The following ODAD3 variants were observed in gnomAD, a reference collection of about 807,000 sequenced individuals.
ODAD3 encodes the protein outer dynein arm-docking complex subunit 3.
In ODAD3, 57 loss-of-function variants were observed where a neutral mutation model predicts 70.9. The ratio of observed to expected loss-of-function variants is 0.80; its 90% CI spans 0.65 to 1.00. The LOEUF (loss-of-function observed/expected upper bound fraction) is 1.00, where lower values mean the gene tolerates loss of function less well. ODAD3 is among the 50% of genes least tolerant of loss of function. The pLI is 0.00. For synonymous variants in ODAD3, 327 were observed against 315.9 expected, an observed-to-expected ratio of 1.04 and a Z score of -0.37; for missense variants, 797 against 763.9, an observed-to-expected ratio of 1.04 and a Z score of -0.51.
chr19:11,433,473 G>C (rs1969545321), intron 1 of ODAD3, among the ~76,000 whole-genome samples: 4 of 152,236 alleles, frequency 2.6e-5, no homozygotes, highest in Admixed American at 6.5e-5. Flanking sequence ...GCCAGGCACT[G>C]TTCTAAGCAC....
intron 11 of ODAD3, 25 bp from the exon 12 acceptor site, chr19:11,421,237 A>C: frequency 1.2e-6 from 2 of 1,604,136 alleles, no homozygotes; most frequent in Non-Finnish European, 1.7e-6. Flanking sequence ...GAAGCGAGAG[A>C]GGAAGGTGGG....
chr19:11,425,636 T>TACGCATATACGCATATACGC lies in ODAD3; in HGVS notation c.963+507_963+508insGCGTATATGCGTATATGCGT, dbSNP rs1969347432. Among the ~76,000 whole-genome samples, 11 of 140,220 alleles carry TACGCATATACGCATATACGC rather than the reference T, an allele frequency of 7.8e-5. 1 individual carries two copies. The highest frequency in any genetic ancestry group is 3.0e-4 in the African/African-American group (10 of 33,752). The allele number at this position is 140,220 out of a possible 152,430, so 92.0% of individuals were successfully genotyped here. ...ATATATGCATATATGCATATATGTA[T>TACGCATATACGCATATACGC]ATATATGTATATACGTATATATATA... is the stretch of plus-strand genomic sequence containing the variant. On this transcript the variant is annotated intron_variant, in intron 7 of 12. Transcript: ENST00000356392.
chr19:11,435,282 C>T, upstream of ODAD3: 1 of 1,113,624 alleles, frequency 9.0e-7, no homozygotes, highest in Non-Finnish European at 1.2e-6. Context: ...CAACAGTGGG[C>T]GGGGTAGAGC....
rs2144791225 is a variant in ODAD3 at position 11,434,939 on chromosome 19, C to G, written c.78G>C (p.Arg26Ser). The G allele has an allele frequency of 6.2e-7, 1 of 1,614,012 alleles. No individual in the cohort carries two copies. Among genetic ancestry groups the G allele is most frequent in the Admixed American group, 1.7e-5 (1 of 60,028 alleles). The change falls in exon 1 of 13, where the codon AGG (arginine) becomes AGC (serine). Residue 26 changes from arginine (R) to serine (S), a missense_variant. By Grantham distance (110) the Arg-to-Ser change is moderately radical. Transcript: ENST00000356392. ...TGCCCGAAGCCTCCCTGCCCTTGAC[C>G]CTGGAAGAGGGCGTCGAAGCCTGGT... ...PQDQASTPSS[R>S]VKGREASGKP...
rs1469189937 is a variant in ODAD3 at position 11,425,218 on chromosome 19, T to TATATACATATGTGTATGTGTAC, written c.963+925_963+926insGTACACATACACATATGTATAT. Reference sequence around the variant, plus strand: ...ATATGTGTATGTGTACATATGTGTATATATGTGTGTATATGTACATATGTG... The same window carrying TATATACATATGTGTATGTGTAC: ...ATATGTGTATGTGTACATATGTGTATATATACATATGTGTATGTGTACATATGTGTGTATATGTACATATGTG... On this transcript the variant is annotated intron_variant, in intron 7 of 12. Coordinates refer to ENST00000356392, the MANE Select transcript of ODAD3 (RefSeq NM_145045.5). Among the ~76,000 whole-genome samples, 2 of 124,794 alleles carry TATATACATATGTGTATGTGTAC rather than the reference T, an allele frequency of 1.6e-5. 1 individual carries two copies. The highest frequency in any genetic ancestry group is 5.4e-4 in the East Asian group (2 of 3,708). The allele number at this position is 124,794 out of a possible 152,430, so 81.9% of individuals were successfully genotyped here.
Position 11,422,546 on chromosome 19 carries a change from C to T in ODAD3, c.1359G>A (p.Glu453=). ...RRHAEAKDQL[E]RALRAMQVAK... ...CCACTTGCATCGCCCGCAAGGCGCG[C>T]TCCAGCTGGTCCTTGGCCTCGGCGT... The change falls in exon 10 of 13, where the codon GAG becomes GAA. Residue 453 remains glutamate, a synonymous_variant. Transcript: ENST00000356392. This position sits in a 1 kb window ranked among gnomAD's most constrained non-coding sequence, Gnocchi z 4.6. 6.3e-7 allele frequency: 1 copy of T among 1,591,614 alleles called. No individual in the cohort carries two copies.
intron 1 of ODAD3, among the ~76,000 whole-genome samples, chr19:11,433,490 C>T (rs1267970841): frequency 6.6e-6 from 1 of 152,238 alleles, no homozygotes; most frequent in Non-Finnish European, 1.5e-5. Context: ...GCACTTTACA[C>T]ATTTCAGGTA....
In ODAD3 at chr19:11,422,903, G is replaced by C; in HGVS notation, c.1117-42C>G. On this transcript the variant is annotated intron_variant, in intron 8 of 12. Transcript: ENST00000356392. The surrounding 1 kb of genome is among the most constrained non-coding windows in gnomAD (Gnocchi z 4.6). ...CCCAGTCAGAGCCAGGGCCTAGGGA[G>C]CGTAGGGGCGCTCCACCTCCTCTCC... 3 of 1,580,478 alleles carry C rather than the reference G, an allele frequency of 1.9e-6. No individual in the cohort carries two copies. Among genetic ancestry groups the C allele is most frequent in the Non-Finnish European group, 2.6e-6 (3 of 1,168,184 alleles).
chr19:11,425,061 GTGTATATA>G lies in ODAD3; in HGVS notation c.964-1040_964-1033del, dbSNP rs1419616290. Among the ~76,000 whole-genome samples, 14 of 126,258 alleles carry G rather than the reference GTGTATATA, an allele frequency of 1.1e-4. 1 individual carries two copies. Among genetic ancestry groups the G allele is most frequent in the Admixed American group, 2.2e-4 (3 of 13,714 alleles). The allele number at this position is 126,258 out of a possible 152,430, so 82.8% of individuals were successfully genotyped here. On this transcript the variant is annotated intron_variant, in intron 7 of 12. Coordinates refer to ENST00000356392, the MANE Select transcript of ODAD3 (RefSeq NM_145045.5). Reference sequence around the variant, plus strand: ...TACATATGTGTATATATGTGTATATGTGTATATATGTATATGTGTATATGTACATATGT... The same window carrying G: ...TACATATGTGTATATATGTGTATATGTGTATATGTGTATATGTACATATGT...
At chr19:11,425,563 G>A (rs865817266) in intron 7 of ODAD3, among the ~76,000 whole-genome samples, 11 of 125,640 alleles carry the variant, frequency 8.8e-5, no homozygotes, top group African/African-American at 3.8e-4. Context: ...ATGTATATAT[G>A]TGTGTATGTA....
At position 11,422,958 on chromosome 19, in the gene ODAD3, A is replaced by T. The variant is rs370953604; in HGVS notation, c.1117-97T>A. The stretch of plus-strand genomic sequence containing the variant: ...CCCTGCGAACCCTCGCACGCAGGAC[A>T]GGTGGCCTGAGCTGGCGCCTTTTGC... On this transcript the variant is annotated intron_variant, in intron 8 of 12. Transcript: ENST00000356392. The surrounding 1 kb of genome is among the most constrained non-coding windows in gnomAD (Gnocchi z 4.6). 7.1e-7 allele frequency: 1 copy of T among 1,399,676 alleles called. No individual in the cohort carries two copies. The highest frequency in any genetic ancestry group is 1.4e-5 in the African/African-American group (1 of 70,160). The allele number at this position is 1,399,676 out of a possible 1,614,324, so 86.7% of individuals were successfully genotyped here. A position where few individuals can be genotyped will look rare whatever the true frequency, so the allele number is the denominator to read the frequency against.
At chr19:11,421,057 GTATC>G (rs1969120271) in intron 12 of ODAD3, 67 bp downstream of exon 12, 1 of 1,586,382 alleles carries the variant, frequency 6.3e-7, no homozygotes. Context: ...CCTGAACAGG[GTATC>G]TGACAACCTC....
At chr19:11,421,270 G>C in intron 11 of ODAD3, 58 bp from the exon 12 acceptor site, 2 of 1,490,488 alleles carry the variant, frequency 1.3e-6, no homozygotes, top group Non-Finnish European at 9.1e-7. Context: ...CCACCGAGAA[G>C]TCACGTTCCC....
In ODAD3 at chr19:11,422,882, G is replaced by A. The variant is rs377602013; in HGVS notation, c.1117-21C>T. ...AACGACTGCGGGCCACCCAGCCCCAGTCAGAGCCAGGGCCTAGGGAGCGTA... is the reference window on the plus strand; with the variant it reads ...AACGACTGCGGGCCACCCAGCCCCAATCAGAGCCAGGGCCTAGGGAGCGTA... On this transcript the variant is annotated intron_variant, in intron 8 of 12. Coordinates refer to ENST00000356392, the MANE Select transcript of ODAD3 (RefSeq NM_145045.5). This position sits in a 1 kb window ranked among gnomAD's most constrained non-coding sequence, Gnocchi z 4.6. 1.8e-4 allele frequency: 294 copies of A among 1,598,712 alleles called. 1 individual carries two copies. In the East Asian group the frequency reaches 5.5e-3, roughly 30 times the overall value.
chr19:11,430,807 G>A (rs760248309), intron 2 of ODAD3, 31 bp from the exon 3 acceptor site: 25 of 1,613,972 alleles, frequency 1.5e-5, no homozygotes, highest in Non-Finnish European at 2.1e-5. Flanking sequence ...TCACCTTTCA[G>A]CATGCCACCT....
chr19:11,425,541 A>ATATATGTATATATGTATATATGTG (rs1969336464), intron 7 of ODAD3, among the ~76,000 whole-genome samples: 11 of 139,454 alleles, frequency 7.9e-5, no homozygotes, highest in East Asian at 6.1e-4. Context: ...ATATGTGTGT[A>ATATATGTATATATGTATATATGTG]TGTATGTATA....
At chr19:11,423,410 C>T (rs1489443778) in intron 8 of ODAD3, among the ~76,000 whole-genome samples, 4 of 151,908 alleles carry the variant, frequency 2.6e-5, no homozygotes, top group Non-Finnish European at 4.4e-5. Context: ...GAACCAGGAC[C>T]CAAGGGGGAC....
Position 11,421,719 on chromosome 19 carries a change from GC to G in ODAD3, c.1547del (p.Gly516AlafsTer20). The G allele has an allele frequency of 6.2e-7, 1 of 1,613,342 alleles. No homozygotes were observed. The highest frequency in any genetic ancestry group is 8.5e-7 in the Non-Finnish European group (1 of 1,179,970). On this transcript the variant is annotated frameshift_variant, in exon 11 of 13. Transcript: ENST00000356392. LOFTEE classifies it high-confidence loss of function. ...KLLKLQAQLQ[G>X]HDVQEMLCHI... Reference sequence around the variant, plus strand: ...GGCACAGCATCTCCTGCACGTCGTGGCCCTGGAGCTGCGCCTGCAGTTTCAG... The same window carrying G: ...GGCACAGCATCTCCTGCACGTCGTGGCCTGGAGCTGCGCCTGCAGTTTCAG...
intron 7 of ODAD3, among the ~76,000 whole-genome samples, chr19:11,425,125 A>G (rs1339246457): frequency 7.6e-6 from 1 of 130,884 alleles, no homozygotes; most frequent in East Asian, 2.4e-4. Context: ...ATATGTACAT[A>G]TGTGTATATG....
Sources: allele counts gnomAD v4.1 joint callset (sites outside exome capture counted in the v4.1 genomes callset), GRCh38; gene constraint gnomAD v4.1.1; non-coding constraint Gnocchi (gnomAD v3.1); transcripts MANE v1.5; gene names NCBI Gene and HGNC (gene_info 2026-07-23, HGNC 2026-07-21).